Variants in SIRT4 observed in about 807,000 individuals in gnomAD.
SIRT4 encodes the protein NAD-dependent protein lipoamidase sirtuin-4, mitochondrial.
A neutral mutation model predicts 26.1 loss-of-function variants in SIRT4; 23 were observed. The observed-to-expected ratio is 0.88, with a 90% CI of 0.63 to 1.25. SIRT4 has a LOEUF of 1.25. Ranked by LOEUF, SIRT4 falls within the 50% of genes most tolerant of loss-of-function variation. The pLI, the probability that SIRT4 is intolerant of heterozygous loss-of-function variation, is 0.00. For synonymous variants in SIRT4, 155 were observed against 158.4 expected (o/e 0.98, Z 0.16); for missense variants, 361 against 405.4 (o/e 0.89, Z 0.94).
chr12:120,312,477 G>A lies in SIRT4; in HGVS notation c.519G>A (p.Gly173=), dbSNP rs914009232. 1 of 1,613,316 alleles carries A rather than the reference G, an allele frequency of 6.2e-7. No individual in the cohort carries two copies. Among genetic ancestry groups the A allele is most frequent in the Admixed American group, 1.7e-5 (1 of 59,836 alleles). Residue 173 remains glycine (G), a synonymous_variant, in exon 3 of 4, where the codon GGG becomes GGA. Transcript: ENST00000202967. ...CCAGGGTCCTGTGCTTGGATTGTGG[G>A]GAACAGACTCCCCGGGGGGTGCTGC... ...CMDRVLCLDC[G]EQTPRGVLQE...
At chr12:120,304,820 T>A (rs1165885614) in intron 2 of SIRT4, among the ~76,000 whole-genome samples, 3 of 7,038 alleles carry the variant, frequency 4.3e-4, no homozygotes, top group Non-Finnish European at 8.1e-4. Context: ...TATATATATA[T>A]ATATATATAT....
the SIRT4 span, among the ~76,000 whole-genome samples, chr12:120,292,401 G>A: frequency 1.3e-5 from 2 of 152,176 alleles, no homozygotes; most frequent in African/African-American, 4.8e-5. Flanking sequence ...AGGAGTTCAA[G>A]ACCAGCCTGG....
chr12:120,312,693 T>G lies in SIRT4; in HGVS notation c.735T>G (p.Phe245Leu), dbSNP rs1376420319. ...CAGTGAACCCTGACAAGGTTGATTT[T>G]GTGCACAAGCGTGTAAAAGAAGCCG... The part of the protein sequence containing the change: ...GDTVNPDKVD[F>L]VHKRVKEADS... The change falls in exon 3 of 4, where the codon TTT becomes TTG. Residue 245 changes from phenylalanine (F) to leucine (L), a missense_variant. Physicochemically the swap from Phe to Leu is conservative, Grantham distance 22. Transcript: ENST00000202967. 1 of 1,614,100 alleles carries G rather than the reference T, an allele frequency of 6.2e-7. No homozygotes were observed. The highest frequency in any genetic ancestry group is 1.7e-5 in the Admixed American group (1 of 60,002).
Position 120,303,866 on chromosome 12 carries a change from G to A in SIRT4, c.305G>A (p.Arg102His), listed in dbSNP as rs145472722. 4.4e-5 allele frequency: 71 copies of A among 1,614,022 alleles called. No individual in the cohort carries two copies. In the African/African-American group the frequency reaches 5.1e-4, roughly 12 times the overall value. Reference sequence around the variant, plus strand: ...GATTTTGTCCGGAGTGCCCCAATCCGCCAGCGGTACTGGGCGAGAAACTTC... The same window carrying A: ...GATTTTGTCCGGAGTGCCCCAATCCACCAGCGGTACTGGGCGAGAAACTTC... ...HGDFVRSAPI[R>H]QRYWARNFVG... Residue 102 changes from arginine to histidine, a missense_variant, in exon 2 of 4, where the codon CGC (arginine) becomes CAC (histidine). Arg to His is a conservative substitution (Grantham distance 29). Coordinates refer to ENST00000202967, the MANE Select transcript of SIRT4 (RefSeq NM_012240.3).
rs1398725478 is a variant in SIRT4 at position 120,303,591 on chromosome 12, G to A, written c.30G>A (p.Arg10=). The A allele has an allele frequency of 6.2e-7, 1 of 1,613,434 alleles. No individual in the cohort carries two copies. Among genetic ancestry groups the A allele is most frequent in the Non-Finnish European group, 8.5e-7 (1 of 1,179,918 alleles). MKMSFALTF[R]SAKGRWIANP... The stretch of plus-strand genomic sequence containing the variant: ...AGATGAGCTTTGCGTTGACTTTCAG[G>A]TCAGCAAAAGGCCGTTGGATCGCAA... The change falls in exon 2 of 4, where the codon AGG becomes AGA. Residue 10 remains arginine (R), a synonymous_variant. Coordinates refer to ENST00000202967, the MANE Select transcript of SIRT4 (RefSeq NM_012240.3).
the SIRT4 span, among the ~76,000 whole-genome samples, chr12:120,295,573 T>G: frequency 1.7e-4 from 26 of 151,582 alleles, no homozygotes; most frequent in Non-Finnish European, 3.2e-4. Flanking sequence ...CTGTTTTCTA[T>G]TCTTTGGTGT....
chr12:120,309,130 G>A (rs1872857010), intron 2 of SIRT4, among the ~76,000 whole-genome samples: 1 of 152,080 alleles, frequency 6.6e-6, no homozygotes, highest in South Asian at 2.1e-4. Flanking sequence ...GGTGAGCCAA[G>A]ACTGTTGTGC....
chr12:120,295,496 A>G, the SIRT4 span, among the ~76,000 whole-genome samples: 1 of 146,396 alleles, frequency 6.8e-6, no homozygotes, highest in African/African-American at 2.5e-5. Context: ...TCCTGACCTC[A>G]AGTGATCTGC....
chr12:120,293,384 G>C, the SIRT4 span: 2 of 152,160 alleles, frequency 1.3e-5, no homozygotes, highest in Non-Finnish European at 2.9e-5. Context: ...TGCGTAGGTG[G>C]TTTCTGCATA....
chr12:120,298,390 C>T (rs1179370), upstream of SIRT4, among the ~76,000 whole-genome samples: 3 of 151,790 alleles, frequency 2.0e-5, no homozygotes, highest in South Asian at 2.1e-4. Context: ...CCCAGGAGTT[C>T]GAGACCAGCC....
chr12:120,307,147 A>C (rs1427363196), intron 2 of SIRT4, among the ~76,000 whole-genome samples: 1 of 152,214 alleles, frequency 6.6e-6, no homozygotes, highest in Non-Finnish European at 1.5e-5. Context: ...TACATACGTT[A>C]CACTATGTAG....
At chr12:120,305,680 A>T (rs1340501218) in intron 2 of SIRT4, among the ~76,000 whole-genome samples, 4 of 152,176 alleles carry the variant, frequency 2.6e-5, no homozygotes, top group Admixed American at 2.0e-4. Context: ...GTGGGCAGAG[A>T]ACATCTGAGG....
At chr12:120,311,429 G>A (rs1235204955) in intron 2 of SIRT4, among the ~76,000 whole-genome samples, 3 of 151,030 alleles carry the variant, frequency 2.0e-5, no homozygotes, top group African/African-American at 7.3e-5. Context: ...AAGCTCTGGT[G>A]ATTGGAGAGG....
At position 120,305,242 on chromosome 12, in the gene SIRT4, C is replaced by CGT. The variant is rs34827089; in HGVS notation, c.497+1209_497+1210dup. Among the ~76,000 whole-genome samples, 1,430 of 147,776 alleles carry CGT rather than the reference C, an allele frequency of 9.7e-3. 16 individuals are homozygous for CGT. The highest frequency in any genetic ancestry group is 0.031 in the African/African-American group (1,248 of 40,144). Reference sequence around the variant, plus strand: ...ATTTTCTTTTGTGTTTGTGTGTGCACGTGTGTGTGTGTGTGTGTGTGTGTG... The same window carrying CGT: ...ATTTTCTTTTGTGTTTGTGTGTGCACGTGTGTGTGTGTGTGTGTGTGTGTGTG... On this transcript the variant is annotated intron_variant, in intron 2 of 3. Transcript: ENST00000202967.
chr12:120,307,424 G>C (rs903786847), intron 2 of SIRT4, among the ~76,000 whole-genome samples: 3 of 152,110 alleles, frequency 2.0e-5, no homozygotes, highest in Non-Finnish European at 4.4e-5. Context: ...GGGTGGCAGA[G>C]GTTGCAGTGA....
At chr12:120,303,151 G>A (rs1872607577) in intron 1 of SIRT4, among the ~76,000 whole-genome samples, 1 of 152,014 alleles carries the variant, frequency 6.6e-6, no homozygotes, top group Non-Finnish European at 1.5e-5. Flanking sequence ...GAATGCGTGT[G>A]TGTGCTTAAT....
chr12:120,313,144 A>C lies in SIRT4; in HGVS notation c.*108A>C. 7.9e-7 allele frequency: 1 copy of C among 1,269,514 alleles called. No homozygotes were observed. The highest frequency in any genetic ancestry group is 1.9e-5 in the Admixed American group (1 of 53,704). The allele number at this position is 1,269,514 out of a possible 1,614,324, so 78.6% of individuals were successfully genotyped here. The stretch of plus-strand genomic sequence containing the variant: ...GATTCCAGTTCCCATTCAACAGAGT[A>C]GGGTGCACTGACAAAGTATAGAAGG... On this transcript the variant is annotated 3_prime_UTR_variant, in exon 4 of 4. Coordinates refer to ENST00000202967, the MANE Select transcript of SIRT4 (RefSeq NM_012240.3).
chr12:120,311,048 TAAAAAAAAAAAAA>T (rs761606021), intron 2 of SIRT4, among the ~76,000 whole-genome samples: 2 of 69,308 alleles, frequency 2.9e-5, no homozygotes, highest in African/African-American at 1.1e-4. Flanking sequence ...CCCTGTCTCT[TAAAAAAAAAAAAA>T]AAAAAAAAAA....
At chr12:120,295,995 G>A in the SIRT4 span, among the ~76,000 whole-genome samples, 1 of 142,704 alleles carries the variant, frequency 7.0e-6, no homozygotes, top group Non-Finnish European at 1.5e-5. Context: ...GCTGAGGCAG[G>A]AGGATCGCTT....
Sources: gnomAD v4.1 joint callset for allele counts (sites outside exome capture counted in the v4.1 genomes callset) on GRCh38, gnomAD v4.1.1 for gene constraint, MANE v1.5 for transcripts, NCBI Gene and HGNC (gene_info 2026-07-23, HGNC 2026-07-21) for gene names.